The following PDCD5 variants were observed in gnomAD, a reference collection of about 807,000 sequenced individuals.
PDCD5 encodes programmed cell death 5.
In PDCD5, 23 loss-of-function variants were observed where a neutral mutation model predicts 21.9. The observed-to-expected ratio is 1.05, with a 90% CI of 0.76 to 1.49. The LOEUF (loss-of-function observed/expected upper bound fraction) is 1.49, where lower values mean the gene tolerates loss of function less well. Among genes scored for constraint, PDCD5 ranks in the 40% most tolerant of loss-of-function variants. The pLI, the probability that PDCD5 is intolerant of heterozygous loss-of-function variation, is 0.00. For missense variants in PDCD5, 152 were observed against 147.7 expected (o/e 1.03, Z -0.15); for synonymous variants, 45 against 49.4 (o/e 0.91, Z 0.37).
In PDCD5 at chr19:32,584,045, T is replaced by C. The variant is rs182925821; in HGVS notation, c.105-905T>C. 3.6e-3 allele frequency among the ~76,000 whole-genome samples: 548 copies of C among 152,214 alleles called. 4 individuals carry two copies. The highest frequency in any genetic ancestry group is 0.013 in the African/African-American group (536 of 41,528). Reference sequence around the variant, plus strand: ...TGGGGTTTCACCATGTTGGCCAGGCTGGTCTCAAACTCCTGACCTCAAGTG... The same window carrying C: ...TGGGGTTTCACCATGTTGGCCAGGCCGGTCTCAAACTCCTGACCTCAAGTG... On this transcript the variant is annotated intron_variant, in intron 2 of 5. Transcript: ENST00000590247.
intron 3 of PDCD5, among the ~76,000 whole-genome samples, chr19:32,585,393 A>G (rs965009051): frequency 8.5e-5 from 13 of 152,188 alleles, no homozygotes; most frequent in African/African-American, 3.1e-4. Context: ...CATCATAAAA[A>G]CCAAAACCTG....
Position 32,586,498 on chromosome 19 carries a change from T to G in PDCD5, c.259-360T>G, listed in dbSNP as rs911189558. 1.1e-5 allele frequency: 12 copies of G among 1,100,274 alleles called. No individual in the cohort carries two copies. In the African/African-American group the frequency reaches 1.8e-4, roughly 17 times the overall value. The allele number at this position is 1,100,274 out of a possible 1,614,324, so 68.2% of individuals were successfully genotyped here. ...GACTTACCTCCTTCAAGGGGATGTT[T>G]AAGCTTCTCGGGCAGAAGTGGTGTG... On this transcript the variant is annotated intron_variant, in intron 4 of 5. Coordinates refer to ENST00000590247, the MANE Select transcript of PDCD5 (RefSeq NM_004708.4).
At chr19:32,581,516 G>C (rs1450413000) in intron 1 of PDCD5, 189 bp downstream of exon 1, 8 of 378,868 alleles carry the variant, frequency 2.1e-5, no homozygotes, top group African/African-American at 4.2e-5. Flanking sequence ...GGGCCCAGGA[G>C]GCTGGCGGCG....
At position 32,582,107 on chromosome 19, in the gene PDCD5, T is replaced by A. The variant is rs1331164069; in HGVS notation, c.67-88T>A. ...AGTTGTTTCTACCACCGCAAGAGAC[T>A]GTTATGTATAGGAAACAACAGAACC... is the stretch of plus-strand genomic sequence containing the variant. On this transcript the variant is annotated intron_variant, in intron 1 of 5. Coordinates refer to ENST00000590247, the MANE Select transcript of PDCD5 (RefSeq NM_004708.4). 3.2e-5 allele frequency: 28 copies of A among 871,156 alleles called. 1 individual carries two copies. In the Admixed American group the frequency reaches 5.1e-4, roughly 16 times the overall value. 54.0% of individuals were successfully genotyped at this position (871,156 alleles called of 1,614,324 possible). A position where few individuals can be genotyped will look rare whatever the true frequency, so the allele number is the denominator to read the frequency against.
At chr19:32,581,412 C>A (rs1269655455) in intron 1 of PDCD5, 85 bp downstream of exon 1, 3 of 891,844 alleles carry the variant, frequency 3.4e-6, no homozygotes, top group Non-Finnish European at 4.6e-6. Context: ...GGGGCGGAGG[C>A]TCTGGGCGCC....
chr19:32,586,230 G>A, intron 4 of PDCD5: 3 of 1,438,226 alleles, frequency 2.1e-6, no homozygotes, highest in Non-Finnish European at 2.7e-6. Context: ...AGTGTAAGTA[G>A]AAGGTGTGTT....
intron 1 of PDCD5, chr19:32,581,644 C>G (rs1971427260): frequency 3.6e-6 from 1 of 276,944 alleles, no homozygotes; most frequent in East Asian, 6.5e-5. Context: ...AGCCAGCAGC[C>G]GGACCGAATT....
Sources: gnomAD v4.1 joint callset for allele counts (sites outside exome capture counted in the v4.1 genomes callset) on GRCh38, gnomAD v4.1.1 for gene constraint, MANE v1.5 for transcripts, NCBI Gene and HGNC (gene_info 2026-07-23, HGNC 2026-07-21) for gene names.